The following RBFOX1 variants were observed in gnomAD, a reference collection of about 807,000 sequenced individuals.
RBFOX1 encodes the protein RNA binding protein fox-1 homolog 1.
RBFOX1 carries 8 observed loss-of-function variants against 57.7 expected under a neutral mutation model. The ratio of observed to expected loss-of-function variants is 0.14; its 90% CI spans 0.08 to 0.25. RBFOX1 has a LOEUF of 0.25. RBFOX1 is among the 10% of genes least tolerant of loss of function. The pLI, the probability that RBFOX1 is intolerant of heterozygous loss-of-function variation, is 1.00. For synonymous variants in RBFOX1, 326 were observed against 222.4 expected, an observed-to-expected ratio of 1.47 and a Z score of -4.15; for missense variants, 611 against 548.5, an observed-to-expected ratio of 1.11 and a Z score of -1.14.
chr16:5,461,166 C>T (rs139717646), intron 1 of RBFOX1, among the ~76,000 whole-genome samples: 180 of 152,294 alleles, frequency 1.2e-3, no homozygotes, highest in African/African-American at 4.0e-3. Context: ...TGAACCCCGT[C>T]GTGGTCTTGC....
At chr16:5,866,845 A>G (rs1209221201) in intron 3 of RBFOX1, among the ~76,000 whole-genome samples, 1 of 152,178 alleles carries the variant, frequency 6.6e-6, no homozygotes, top group Non-Finnish European at 1.5e-5. Context: ...ATTTTGAGGA[A>G]TTTTGCAAAC....
At chr16:6,189,713 ACT>A (rs1367019041) in intron 1 of RBFOX1, among the ~76,000 whole-genome samples, 1 of 152,124 alleles carries the variant, frequency 6.6e-6, no homozygotes, top group Non-Finnish European at 1.5e-5. Context: ...AGGTTAGAAC[ACT>A]CTGACTCCTA....
intron 3 of RBFOX1, among the ~76,000 whole-genome samples, chr16:6,699,148 C>T (rs1256324667): frequency 6.6e-6 from 1 of 152,130 alleles, no homozygotes. Flanking sequence ...TGAAGTGCCA[C>T]CCAGGCACCC....
intron 1 of RBFOX1, among the ~76,000 whole-genome samples, chr16:6,156,793 C>G (rs1239169548): frequency 6.6e-6 from 1 of 152,092 alleles, no homozygotes; most frequent in East Asian, 1.9e-4. Context: ...ACTGGGCATT[C>G]TTGCTGAAAT....
chr16:6,832,096 A>G (rs2092748621), intron 3 of RBFOX1, among the ~76,000 whole-genome samples: 2 of 152,240 alleles, frequency 1.3e-5, no homozygotes, highest in African/African-American at 2.4e-5. Flanking sequence ...ACTGAATGCT[A>G]TTTATTATGT....
At position 5,245,270 on chromosome 16, in the gene RBFOX1, A is replaced by C. The variant is rs9673497; in HGVS notation, c.219+5165A>C. The stretch of plus-strand genomic sequence containing the variant: ...ATCAGGTACTGGAGGTGAATGGTCA[A>C]GTCTGATCTCAGGGCTGACAGTGTC... On this transcript the variant is annotated intron_variant, in intron 1 of 2. Transcript: ENST00000585867. Among the ~76,000 whole-genome samples, 1,496 of 152,292 alleles carry C rather than the reference A, an allele frequency of 9.8e-3. 31 individuals are homozygous for C. The highest frequency in any genetic ancestry group is 0.034 in the African/African-American group (1,426 of 41,548).
At chr16:5,724,284 G>A (rs1259358450) in intron 3 of RBFOX1, among the ~76,000 whole-genome samples, 2 of 152,212 alleles carry the variant, frequency 1.3e-5, no homozygotes, top group Non-Finnish European at 2.9e-5. Flanking sequence ...GGCTGAGCCA[G>A]GGCCCTTGCG....
intron 3 of RBFOX1, among the ~76,000 whole-genome samples, chr16:5,715,700 C>G (rs573393905): frequency 6.6e-6 from 1 of 152,306 alleles, no homozygotes; most frequent in South Asian, 2.1e-4. Flanking sequence ...CTCAGGAAAG[C>G]AAGCAATGTG....
At chr16:6,049,014 G>A (rs2095523584) in intron 1 of RBFOX1, among the ~76,000 whole-genome samples, 1 of 144,178 alleles carries the variant, frequency 6.9e-6, no homozygotes, top group Admixed American at 6.9e-5. Flanking sequence ...GATCATCCTT[G>A]TGCCATTTTG....
At chr16:6,290,517 G>A (rs1055778891) in intron 1 of RBFOX1, among the ~76,000 whole-genome samples, 15 of 151,570 alleles carry the variant, frequency 9.9e-5, no homozygotes, top group Non-Finnish European at 2.1e-4. Flanking sequence ...AGATTGTCAT[G>A]AGGCATAGCA....
chr16:6,676,540 C>T (rs1290642090), intron 3 of RBFOX1, among the ~76,000 whole-genome samples: 5 of 152,026 alleles, frequency 3.3e-5, no homozygotes, highest in Admixed American at 3.3e-4. Flanking sequence ...GCATATAATC[C>T]ACAAACATTT....
At chr16:5,685,959 G>A (rs2050491910) in intron 3 of RBFOX1, among the ~76,000 whole-genome samples, 1 of 152,208 alleles carries the variant, frequency 6.6e-6, no homozygotes, top group Non-Finnish European at 1.5e-5. Flanking sequence ...ATGGGGACAT[G>A]AATGAAGCAA....
At chr16:7,078,436 C>A (rs555577115) in intron 4 of RBFOX1, among the ~76,000 whole-genome samples, 1 of 151,976 alleles carries the variant, frequency 6.6e-6, no homozygotes, top group South Asian at 2.1e-4. Context: ...AAACCTCCGC[C>A]TCCCGGATTC....
chr16:6,447,740 C>G (rs1011047849), intron 2 of RBFOX1, among the ~76,000 whole-genome samples: 1 of 152,164 alleles, frequency 6.6e-6, no homozygotes, highest in African/African-American at 2.4e-5. Flanking sequence ...CCAAATGCTG[C>G]TGAAGAGTTA....
intron 4 of RBFOX1, among the ~76,000 whole-genome samples, chr16:7,160,684 CCTGGGGGGTTTTT>C (rs1236177683): frequency 3.9e-5 from 6 of 151,966 alleles, no homozygotes; most frequent in African/African-American, 1.4e-4. Flanking sequence ...TCTTAGTTTT[CCTGGGGGGTTTTT>C]CTGTAACTCC....
At chr16:5,380,733 G>C (rs1323539863) in intron 1 of RBFOX1, among the ~76,000 whole-genome samples, 2 of 152,210 alleles carry the variant, frequency 1.3e-5, no homozygotes, top group African/African-American at 4.8e-5. Flanking sequence ...GTCTAGTAAG[G>C]GATGGAGGTG....
In RBFOX1 at chr16:6,125,624, T is replaced by C. The variant is rs76486245; in HGVS notation, c.-127+105632T>C. ...TGTACCCAAAGCAGATGCAGCCTCATTGTAGGTTCTGAATCCAGGGTGAAA... is the reference window on the plus strand; with the variant it reads ...TGTACCCAAAGCAGATGCAGCCTCACTGTAGGTTCTGAATCCAGGGTGAAA... On this transcript the variant is annotated intron_variant, in intron 1 of 15. Transcript: ENST00000550418. Among the ~76,000 whole-genome samples, 1,319 of 152,218 alleles carry C rather than the reference T, an allele frequency of 8.7e-3. 22 individuals carry two copies. The highest frequency in any genetic ancestry group is 0.03 in the African/African-American group (1,265 of 41,554).
At chr16:7,571,029 C>T (rs906142236) in intron 5 of RBFOX1, among the ~76,000 whole-genome samples, 28 of 152,234 alleles carry the variant, frequency 1.8e-4, no homozygotes, top group African/African-American at 6.7e-4. Context: ...GGGAGCAGGA[C>T]AGTGAGAACA....
intron 4 of RBFOX1, among the ~76,000 whole-genome samples, chr16:7,496,132 C>T (rs769097639): frequency 6.6e-6 from 1 of 152,056 alleles, no homozygotes; most frequent in Non-Finnish European, 1.5e-5. Context: ...TCAGTTTCCT[C>T]ACCTTTTTAT....
Sources: allele counts gnomAD v4.1 joint callset (sites outside exome capture counted in the v4.1 genomes callset), GRCh38; gene constraint gnomAD v4.1.1; transcripts MANE v1.5; gene names NCBI Gene and HGNC (gene_info 2026-07-23, HGNC 2026-07-21).